ZNF594: variants seen among roughly 807,000 people sequenced by gnomAD.
ZNF594 encodes zinc finger protein 594, also known as zinc finger protein HZF18.
For missense variants in ZNF594, 1,037 were observed against 964.6 expected (o/e 1.08, Z -0.99); for synonymous variants, 336 against 309.4 (o/e 1.09, Z -0.90).
rs1249660655 is a variant in ZNF594 at position 5,183,419 on chromosome 17, A to G, written c.838T>C (p.Ser280Pro). 3 of 1,613,700 alleles carry G rather than the reference A, an allele frequency of 1.9e-6. No homozygotes were observed. The highest frequency in any genetic ancestry group is 2.5e-6 in the Non-Finnish European group (3 of 1,180,028). Reference sequence around the variant, plus strand: ...ATTCTCTGATGTGGGACAAGGTGTGAACTTTGACTGAACATCTGTCCACAG... The same window carrying G: ...ATTCTCTGATGTGGGACAAGGTGTGGACTTTGACTGAACATCTGTCCACAG... ...YDCGQMFSQS[S>P]HLVPHQRIHT... is the part of the protein sequence containing the mutation. Residue 280 changes from serine (S) to proline (P), a missense_variant, in exon 2 of 2, where the codon TCA (serine) becomes CCA (proline). By Grantham distance (74) the Ser-to-Pro change is moderately conservative (BLOSUM62 -1). Transcript: ENST00000575779.
chr17:5,175,720 C>T (rs2074302822), downstream of ZNF594, among the ~76,000 whole-genome samples: 1 of 151,994 alleles, frequency 6.6e-6, no homozygotes, highest in Non-Finnish European at 1.5e-5. Flanking sequence ...TGCATAATGC[C>T]TTGAAATGAC....
At position 5,183,981 on chromosome 17, in the gene ZNF594, A is replaced by C; in HGVS notation, c.276T>G (p.Leu92=). The change falls in exon 2 of 2, where the codon CTT becomes CTG. Residue 92 remains leucine (L), a synonymous_variant. Coordinates refer to ENST00000575779, the MANE Select transcript of ZNF594 (RefSeq NM_032530.2). ...ATCTATGGGAGCTTTCTCCTGCAGA[A>C]AGTATTTTTTCTCCTTCATTACATC... ...GHGCNEGEKI[L]SAGESSHRYE... is the part of the protein sequence containing the mutation. 1 of 1,614,116 alleles carries C rather than the reference A, an allele frequency of 6.2e-7. No homozygotes were observed. The highest frequency in any genetic ancestry group is 1.1e-5 in the South Asian group (1 of 91,084).
Position 5,182,855 on chromosome 17 carries a change from C to A in ZNF594, c.1402G>T (p.Ala468Ser). Residue 468 changes from alanine (A) to serine (S), a missense_variant, in exon 2 of 2, where the codon GCC becomes TCC. Coordinates refer to ENST00000575779, the MANE Select transcript of ZNF594 (RefSeq NM_032530.2). ...KPYECSECGKAFSQRSHLVTH... is the reference protein window; with the variant it reads ...KPYECSECGKSFSQRSHLVTH... Reference sequence around the variant, plus strand: ...ACAAGGTGTGACCTCTGGCTAAAGGCTTTCCCACATTCACTACATTCATAG... The same window carrying A: ...ACAAGGTGTGACCTCTGGCTAAAGGATTTCCCACATTCACTACATTCATAG... The A allele has an allele frequency of 6.2e-7, 1 of 1,614,002 alleles. No homozygotes were observed. The highest frequency in any genetic ancestry group is 8.5e-7 in the Non-Finnish European group (1 of 1,179,998).
intron 1 of ZNF594, among the ~76,000 whole-genome samples, chr17:5,191,280 CCCTT>C (rs1281398863): frequency 6.6e-6 from 1 of 152,188 alleles, no homozygotes; most frequent in African/African-American, 2.4e-5. Context: ...CTAAATCCCT[CCCTT>C]GTTTGAACTC....
intron 1 of ZNF594, among the ~76,000 whole-genome samples, chr17:5,188,741 A>C (rs1429156214): frequency 3.6e-5 from 5 of 139,128 alleles, no homozygotes; most frequent in Admixed American, 8.2e-5. Flanking sequence ...TTTACATTTA[A>C]AATTTTGACT....
rs367906682 is a variant in ZNF594, at chr17:5,182,759, G to T, written c.1498C>A (p.Arg500Ser). 6.2e-7 allele frequency: 1 copy of T among 1,613,772 alleles called. No homozygotes were observed. The highest frequency in any genetic ancestry group is 1.7e-5 in the Admixed American group (1 of 59,998). ...CTECGKAFRR[R>S]SLLIQHRRIH... The stretch of plus-strand genomic sequence containing the variant: ...CTCCGATGTTGAATAAGGAGTGAAC[G>T]CCGCCTGAAGGCTTTCCCACATTCA... Residue 500 changes from arginine to serine, a missense_variant, in exon 2 of 2, where the codon CGT becomes AGT. Transcript: ENST00000575779.
chr17:5,181,197 C>T lies in ZNF594; in HGVS notation c.*636G>A. The T allele has an allele frequency of 6.2e-7, 1 of 1,611,216 alleles. No individual in the cohort carries two copies. The highest frequency in any genetic ancestry group is 8.5e-7 in the Non-Finnish European group (1 of 1,177,550). ...ATGGTGTCTAATAAGATCTGAGCTGCCCCTAAAAGATTTCCCACATTTGTT... is the reference window on the plus strand; with the variant it reads ...ATGGTGTCTAATAAGATCTGAGCTGTCCCTAAAAGATTTCCCACATTTGTT... On this transcript the variant is annotated 3_prime_UTR_variant, in exon 2 of 2. Transcript: ENST00000575779.
At chr17:5,176,326 C>G (rs1360522616), downstream of ZNF594, among the ~76,000 whole-genome samples, 1 of 143,750 alleles carries the variant, frequency 7.0e-6, no homozygotes, top group East Asian at 2.0e-4. Flanking sequence ...ACCCGGGAGG[C>G]AGAGGTTGCA....
At chr17:5,175,607 T>C (rs912325667), downstream of ZNF594, among the ~76,000 whole-genome samples, 2 of 151,996 alleles carry the variant, frequency 1.3e-5, no homozygotes, top group African/African-American at 4.8e-5. Context: ...AGAGAGCAGG[T>C]GGTAAACTGA....
In ZNF594 at chr17:5,183,190, G is replaced by C. The variant is rs749372257; in HGVS notation, c.1067C>G (p.Thr356Ser). Reference protein sequence around the residue: ...AGEKIEECEKTFSKDEELREE... With the variant: ...AGEKIEECEKSFSKDEELREE... The stretch of plus-strand genomic sequence containing the variant: ...CCTAAGCTCCTCATCCTTGCTGAAG[G>C]TTTTCTCACATTCTTCAATTTTCTC... Residue 356 changes from threonine to serine, a missense_variant, in exon 2 of 2, where the codon ACC (threonine) becomes AGC (serine). Coordinates refer to ENST00000575779, the MANE Select transcript of ZNF594 (RefSeq NM_032530.2). 6.2e-7 allele frequency: 1 copy of C among 1,613,910 alleles called. No individual in the cohort carries two copies. The highest frequency in any genetic ancestry group is 8.5e-7 in the Non-Finnish European group (1 of 1,180,020).
At position 5,181,462 on chromosome 17, in the gene ZNF594, T is replaced by G. The variant is rs766538670; in HGVS notation, c.*371A>C. 2 of 1,613,990 alleles carry G rather than the reference T, an allele frequency of 1.2e-6. No homozygotes were observed. The highest frequency in any genetic ancestry group is 1.7e-5 in the Admixed American group (1 of 60,012). ...AGCTCCTCATCCTTGCTGAAGGTTT[T>G]CTCACGTTCTTCAAGTTTCTCTCCA... On this transcript the variant is annotated 3_prime_UTR_variant, in exon 2 of 2. Coordinates refer to ENST00000575779, the MANE Select transcript of ZNF594 (RefSeq NM_032530.2).
chr17:5,179,404 G>A (rs921439515), downstream of ZNF594: 5 of 167,644 alleles, frequency 3.0e-5, no homozygotes, highest in South Asian at 1.9e-4. Flanking sequence ...GACCCTGGCC[G>A]GAGCCAACCT....
In ZNF594 at chr17:5,180,911, T is replaced by G; in HGVS notation, c.*922A>C. The G allele has an allele frequency of 1.6e-6, 1 of 608,814 alleles. No individual in the cohort carries two copies. The highest frequency in any genetic ancestry group is 1.8e-5 in the African/African-American group (1 of 54,596). The allele number at this position is 608,814 out of a possible 1,614,324, so 37.7% of individuals were successfully genotyped here. A position where few individuals can be genotyped will look rare whatever the true frequency, so the allele number is the denominator to read the frequency against. The stretch of plus-strand genomic sequence containing the variant: ...GTGGTCTCCATCAGACTTTTCCTAG[T>G]TTTACTGCATTCATTAGGTTTCTGC... On this transcript the variant is annotated 3_prime_UTR_variant, in exon 2 of 2. Coordinates refer to ENST00000575779, the MANE Select transcript of ZNF594 (RefSeq NM_032530.2).
Position 5,181,646 on chromosome 17 carries a change from C to T in ZNF594, c.*187G>A, listed in dbSNP as rs778164418. 3.3e-5 allele frequency: 52 copies of T among 1,583,310 alleles called. No homozygotes were observed. Among genetic ancestry groups the T allele is most frequent in the Non-Finnish European group, 4.1e-5 (47 of 1,152,398 alleles). ...TTTCACATTCAGTGCACTGATAGGG[C>T]TTCTCTCCAGTGTGGATTTTCTGGT... On this transcript the variant is annotated 3_prime_UTR_variant, in exon 2 of 2. Coordinates refer to ENST00000575779, the MANE Select transcript of ZNF594 (RefSeq NM_032530.2).
chr17:5,181,447 C>A lies in ZNF594; in HGVS notation c.*386G>T, dbSNP rs775852832. The A allele has an allele frequency of 6.2e-7, 1 of 1,613,738 alleles. No individual in the cohort carries two copies. Among genetic ancestry groups the A allele is most frequent in the Non-Finnish European group, 8.5e-7 (1 of 1,179,808 alleles). On this transcript the variant is annotated 3_prime_UTR_variant, in exon 2 of 2. Coordinates refer to ENST00000575779, the MANE Select transcript of ZNF594 (RefSeq NM_032530.2). The stretch of plus-strand genomic sequence containing the variant: ...TTCTGCTCTCCCCTAAGCTCCTCAT[C>A]CTTGCTGAAGGTTTTCTCACGTTCT...
At chr17:5,179,516 A>G (rs1257962318), downstream of ZNF594, 2 of 153,752 alleles carry the variant, frequency 1.3e-5, no homozygotes, top group Admixed American at 6.5e-5. Context: ...CCCCTGGCAC[A>G]TACTAAACAG....
At chr17:5,176,548 C>CT (rs1009125745), downstream of ZNF594, among the ~76,000 whole-genome samples, 166 of 143,542 alleles carry the variant, frequency 1.2e-3, no homozygotes, top group Admixed American at 6.6e-3. Flanking sequence ...TAGGTTTCTT[C>CT]TTTTTTTTTT....
rs570999829 is a variant in ZNF594, at chr17:5,184,325, T to C, written c.-20-49A>G. 33 of 1,517,596 alleles carry C rather than the reference T, an allele frequency of 2.2e-5. No individual in the cohort carries two copies. In the African/African-American group the frequency reaches 3.6e-4, roughly 16 times the overall value. The allele number at this position is 1,517,596 out of a possible 1,614,324, so 94.0% of individuals were successfully genotyped here. On this transcript the variant is annotated intron_variant, in intron 1 of 1. Transcript: ENST00000575779. ...TATAATTCCTAAAATACAAATATCA[T>C]CTCTTCATTATACTGGGCAGTCTAA...
In ZNF594 at chr17:5,180,471, G is replaced by A. The variant is rs1466173930; in HGVS notation, c.*1362C>T. On this transcript the variant is annotated 3_prime_UTR_variant, in exon 2 of 2. Transcript: ENST00000575779. The stretch of plus-strand genomic sequence containing the variant: ...TCTTTCCATGAATAATTTAGTTTTG[G>A]GGTTGTTGCCAAAGTGATTTATAAT... The A allele has an allele frequency of 6.5e-6, 1 of 153,956 alleles. No individual in the cohort carries two copies. The highest frequency in any genetic ancestry group is 1.4e-5 in the Non-Finnish European group (1 of 69,314). The allele number at this position is 153,956 out of a possible 1,614,324, so 9.5% of individuals were successfully genotyped here.
Sources: gnomAD v4.1 joint callset for allele counts (sites outside exome capture counted in the v4.1 genomes callset) on GRCh38, gnomAD v4.1.1 for gene constraint, MANE v1.5 for transcripts, NCBI Gene and HGNC (gene_info 2026-07-23, HGNC 2026-07-21) for gene names.